Variants in AOPEP observed in about 807,000 individuals in gnomAD.
AOPEP encodes aminopeptidase O (putative).
In AOPEP, 77 loss-of-function variants were observed where a neutral mutation model predicts 98.1. The observed-to-expected ratio is 0.78, with a 90% confidence interval of 0.65 to 0.95. AOPEP has a LOEUF of 0.95. Ranked by LOEUF, AOPEP falls within the 40% of genes least tolerant of loss-of-function variation. The pLI is 0.00. For synonymous variants in AOPEP, 346 were observed against 365.3 expected (o/e 0.95, Z 0.60); for missense variants, 1,024 against 1,024.7 (o/e 1.00, Z 0.01).
chr9:94,923,987 C>A lies in AOPEP; in HGVS notation c.1366C>A (p.Pro456Thr). ...ANFPSLGMAS[P>T]HIMFLSQSIL... is the part of the protein sequence containing the mutation. The stretch of plus-strand genomic sequence containing the variant: ...CATTTTCTCCCCCATTATCCACAGC[C>A]CACACATCATGTTCCTCTCTCAGAG... The change falls in exon 6 of 17, where the codon CCA becomes ACA. Residue 456 changes from proline (P) to threonine (T), a missense_variant and splice_region_variant. Physicochemically the swap from Pro to Thr is conservative, Grantham distance 38 (BLOSUM62 -1). Transcript: ENST00000375315. The A allele has an allele frequency of 7.0e-7, 1 of 1,436,312 alleles. No individual in the cohort carries two copies. Among genetic ancestry groups the A allele is most frequent in the South Asian group, 1.5e-5 (1 of 65,932 alleles). The allele number at this position is 1,436,312 out of a possible 1,614,324, so 89.0% of individuals were successfully genotyped here. A position where few individuals can be genotyped will look rare whatever the true frequency, so the allele number is the denominator to read the frequency against.
chr9:94,747,327 T>C (rs146242744), intron 1 of AOPEP, among the ~76,000 whole-genome samples: 2 of 152,334 alleles, frequency 1.3e-5, no homozygotes, highest in East Asian at 3.9e-4. Flanking sequence ...TTATGTTATC[T>C]TGCATTATTT....
At chr9:94,792,217 C>T (rs1177545781) in intron 3 of AOPEP, among the ~76,000 whole-genome samples, 1 of 152,206 alleles carries the variant, frequency 6.6e-6, no homozygotes. Flanking sequence ...GACCTGAACT[C>T]CCACAGCTAA....
chr9:95,056,446 G>A (rs895985241), intron 13 of AOPEP: 1 of 152,368 alleles, frequency 6.6e-6, no homozygotes, highest in African/African-American at 2.4e-5. Context: ...TCTGATGTAG[G>A]AGGTGAGCTG....
At chr9:94,895,048 G>C (rs893096322) in intron 5 of AOPEP, among the ~76,000 whole-genome samples, 3 of 149,902 alleles carry the variant, frequency 2.0e-5, no homozygotes, top group South Asian at 2.1e-4. Flanking sequence ...CTCTCTCTCT[G>C]TGTGTTTGTG....
At chr9:95,041,987 C>A (rs116042342) in intron 13 of AOPEP, among the ~76,000 whole-genome samples, 1,583 of 152,220 alleles carry the variant, frequency 0.01, 29 homozygotes, top group African/African-American at 0.037. Context: ...TAAAAGGAAA[C>A]TGATGAATTC....
chr9:94,756,337 G>A (rs1395817829), intron 1 of AOPEP, among the ~76,000 whole-genome samples: 1 of 152,020 alleles, frequency 6.6e-6, no homozygotes, highest in Non-Finnish European at 1.5e-5. Context: ...GCTGAGGTGG[G>A]CAGATCGCCT....
chr9:94,990,235 G>C (rs1421716007), intron 11 of AOPEP, among the ~76,000 whole-genome samples: 1 of 152,158 alleles, frequency 6.6e-6, no homozygotes, highest in African/African-American at 2.4e-5. Flanking sequence ...TTGTGCAAAG[G>C]AGCCAGCATG....
At chr9:94,833,715 G>C (rs1323748452) in intron 5 of AOPEP, among the ~76,000 whole-genome samples, 2 of 152,076 alleles carry the variant, frequency 1.3e-5, no homozygotes, top group Non-Finnish European at 2.9e-5. Flanking sequence ...AAATAAACTT[G>C]TATCATTGGC....
chr9:94,731,055 C>T (rs1456689508), intron 1 of AOPEP, among the ~76,000 whole-genome samples: 4 of 152,156 alleles, frequency 2.6e-5, no homozygotes, highest in African/African-American at 9.7e-5. Context: ...GTTGGAAAAG[C>T]AGCAGCAGGA....
chr9:94,991,871 G>A (rs2060911061), intron 11 of AOPEP, among the ~76,000 whole-genome samples: 1 of 152,204 alleles, frequency 6.6e-6, no homozygotes, highest in East Asian at 1.9e-4. Context: ...TTTTTGGTGT[G>A]AGTGAATGTG....
At position 94,837,040 on chromosome 9, in the gene AOPEP, A is replaced by G. The variant is rs186630602; in HGVS notation, c.1364+36038A>G. Among the ~76,000 whole-genome samples the G allele has an allele frequency of 1.2e-4, 18 of 152,318 alleles. 1 individual carries two copies. In the East Asian group the frequency reaches 2.5e-3, roughly 21 times the overall value. On this transcript the variant is annotated intron_variant, in intron 5 of 16. Transcript: ENST00000375315. ...ATTAACCAAGAAAAGAAGAGAGAAG[A>G]TCCAAATAGGCTCAATTAGAAATGA...
intron 13 of AOPEP, among the ~76,000 whole-genome samples, chr9:95,012,292 A>G (rs1213592526): frequency 3.3e-5 from 5 of 152,188 alleles, no homozygotes; most frequent in Non-Finnish European, 1.5e-5. Context: ...ATTTGAAAAC[A>G]TTTGGAAGTG....
chr9:94,873,152 C>T (rs2046540900), intron 5 of AOPEP, among the ~76,000 whole-genome samples: 1 of 152,104 alleles, frequency 6.6e-6, no homozygotes, highest in Admixed American at 6.5e-5. Context: ...GAAAATGAAT[C>T]ACCTAATTAA....
intron 2 of AOPEP, among the ~76,000 whole-genome samples, chr9:94,771,995 A>G (rs767046492): frequency 6.6e-6 from 1 of 152,208 alleles, no homozygotes; most frequent in African/African-American, 2.4e-5. Flanking sequence ...GAGTTGAACC[A>G]TCTTTCTGTG....
Position 94,914,242 on chromosome 9 carries a change from A to G in AOPEP, c.1365-9744A>G, listed in dbSNP as rs368742735. ...ACCACACACATGATTATAAATGACA[A>G]GGAGGCTCAGCCAATGGCAGGGAGA... On this transcript the variant is annotated intron_variant, in intron 5 of 16. Transcript: ENST00000375315. Among the ~76,000 whole-genome samples the G allele has an allele frequency of 3.6e-4, 55 of 152,334 alleles. No individual in the cohort carries two copies. The South Asian group carries it at 0.01, about 29-fold the overall frequency.
At chr9:95,118,284 G>A in the AOPEP span, among the ~76,000 whole-genome samples, 1 of 152,200 alleles carries the variant, frequency 6.6e-6, no homozygotes, top group South Asian at 2.1e-4. Context: ...CTCCCAAAGT[G>A]CTGGGGTTAT....
chr9:94,913,720 A>G (rs1405272081), intron 5 of AOPEP, among the ~76,000 whole-genome samples: 1 of 152,240 alleles, frequency 6.6e-6, no homozygotes. Flanking sequence ...ATATTGTGGC[A>G]GCTGAATGCC....
intron 2 of AOPEP, among the ~76,000 whole-genome samples, chr9:94,760,892 C>CT (rs2132480472): frequency 6.6e-6 from 1 of 152,296 alleles, no homozygotes; most frequent in South Asian, 2.1e-4. Context: ...CTGCTGGTGA[C>CT]TTGGAGTGCT....
chr9:95,142,131 T>A, the AOPEP span, among the ~76,000 whole-genome samples: 1 of 151,814 alleles, frequency 6.6e-6, no homozygotes. Context: ...TAGCTGGGAC[T>A]ACAGGCACCT....
Sources: gnomAD v4.1 joint callset for allele counts (sites outside exome capture counted in the v4.1 genomes callset) on GRCh38, gnomAD v4.1.1 for gene constraint, MANE v1.5 for transcripts, NCBI Gene and HGNC (gene_info 2026-07-23, HGNC 2026-07-21) for gene names.